The following PPIB variants were observed in gnomAD, a reference collection of about 807,000 sequenced individuals.
PPIB encodes the protein peptidylprolyl isomerase B.
In PPIB, 15 loss-of-function variants were observed where a neutral mutation model predicts 20.1. That is an observed-to-expected ratio of 0.75 (90% CI 0.50 to 1.15). The LOEUF (loss-of-function observed/expected upper bound fraction) is 1.15. PPIB is among the 50% of genes most tolerant of loss of function. The pLI is 0.00. For missense variants in PPIB, 278 were observed against 283.0 expected, an observed-to-expected ratio of 0.98 and a Z score of 0.13; for synonymous variants, 129 against 111.0, an observed-to-expected ratio of 1.16 and a Z score of -1.02.
In PPIB at chr15:64,156,682, C is replaced by T. The variant is rs746413456; in HGVS notation, c.528+43G>A. 52 of 1,610,148 alleles carry T rather than the reference C, an allele frequency of 3.2e-5. No homozygotes were observed. Among genetic ancestry groups the T allele is most frequent in the South Asian group, 1.8e-4 (16 of 90,974 alleles). ...TGCCCTGGGGTCTGTGTTGAATCCC[C>T]GGTGAGGATTGCCCAGTAGTAGCCC... On this transcript the variant is annotated intron_variant, in intron 4 of 4. Transcript: ENST00000300026. The surrounding 1 kb of genome is among the most constrained non-coding windows in gnomAD (Gnocchi z 6.4).
rs1239827519 is a variant in PPIB at position 64,156,255 on chromosome 15, C to T, written c.529-110G>A. On this transcript the variant is annotated intron_variant, in intron 4 of 4. Transcript: ENST00000300026. This position sits in a 1 kb window ranked among gnomAD's most constrained non-coding sequence, Gnocchi z 6.4. ...AGGGCTAAGACCCACAAGTGATCAACAGCACACAAAACTGGAGGCACCAAA... is the reference window on the plus strand; with the variant it reads ...AGGGCTAAGACCCACAAGTGATCAATAGCACACAAAACTGGAGGCACCAAA... 1.4e-6 allele frequency: 2 copies of T among 1,432,740 alleles called. No homozygotes were observed. The highest frequency in any genetic ancestry group is 9.6e-7 in the Non-Finnish European group (1 of 1,037,186). 88.8% of individuals were successfully genotyped at this position (1,432,740 alleles called of 1,614,324 possible).
In PPIB at chr15:64,160,021, G is replaced by A. The variant is rs764763845; in HGVS notation, c.343+83C>T. On this transcript the variant is annotated intron_variant, in intron 3 of 4. Transcript: ENST00000300026. This position sits in a 1 kb window ranked among gnomAD's most constrained non-coding sequence, Gnocchi z 4.8. ...GCCTCTAGAGCTGGGGAAGAAAGAG[G>A]CCTGGTCTCCCCAGCAGAACCTGGC... The A allele has an allele frequency of 8.3e-7, 1 of 1,203,266 alleles. No individual in the cohort carries two copies. Among genetic ancestry groups the A allele is most frequent in the South Asian group, 1.2e-5 (1 of 82,526 alleles). The allele number at this position is 1,203,266 out of a possible 1,614,324, so 74.5% of individuals were successfully genotyped here.
At position 64,161,898 on chromosome 15, in the gene PPIB, T is replaced by A. The variant is rs569197315; in HGVS notation, c.249+143A>T. 3.4e-5 allele frequency: 26 copies of A among 763,092 alleles called. No individual in the cohort carries two copies. Among genetic ancestry groups the A allele is most frequent in the South Asian group, 3.4e-4 (25 of 73,380 alleles). The allele number at this position is 763,092 out of a possible 1,614,324, so 47.3% of individuals were successfully genotyped here. On this transcript the variant is annotated intron_variant, in intron 2 of 4. Coordinates refer to ENST00000300026, the MANE Select transcript of PPIB (RefSeq NM_000942.5). This position sits in a 1 kb window ranked among gnomAD's most constrained non-coding sequence, Gnocchi z 4.2. ...CCCCATTACTCTTAAGAAAGGGCAA[T>A]ACTGTGTTCCCAGGGCAACAGGCAG...
rs960853893 is a variant in PPIB, at chr15:64,159,760, G to A, written c.343+344C>T. 3 of 392,944 alleles carry A rather than the reference G, an allele frequency of 7.6e-6. No individual in the cohort carries two copies. The highest frequency in any genetic ancestry group is 5.9e-5 in the East Asian group (1 of 16,874). The allele number at this position is 392,944 out of a possible 1,614,324, so 24.3% of individuals were successfully genotyped here. A position where few individuals can be genotyped will look rare whatever the true frequency, so the allele number is the denominator to read the frequency against. ...GGCTTTGGGCATCTGACCTAGAATC[G>A]CGTACCCACATGTCTTCACTTTGCT... On this transcript the variant is annotated intron_variant, in intron 3 of 4. Coordinates refer to ENST00000300026, the MANE Select transcript of PPIB (RefSeq NM_000942.5). This position sits in a 1 kb window ranked among gnomAD's most constrained non-coding sequence, Gnocchi z 5.1.
chr15:64,162,814 G>A (rs368514865), intron 1 of PPIB, 38 bp downstream of exon 1: 27 of 1,600,702 alleles, frequency 1.7e-5, no homozygotes, highest in African/African-American at 1.5e-4. Flanking sequence ...GCCCGGGCCC[G>A]AGCTCCGGCA....
At position 64,158,404 on chromosome 15, in the gene PPIB, A is replaced by G. The variant is rs1399280008; in HGVS notation, c.344-1495T>C. Among the ~76,000 whole-genome samples, 1 of 152,226 alleles carries G rather than the reference A, an allele frequency of 6.6e-6. No homozygotes were observed. The highest frequency in any genetic ancestry group is 1.5e-5 in the Non-Finnish European group (1 of 68,036). On this transcript the variant is annotated intron_variant, in intron 3 of 4. Coordinates refer to ENST00000300026, the MANE Select transcript of PPIB (RefSeq NM_000942.5). The surrounding 1 kb of genome is among the most constrained non-coding windows in gnomAD (Gnocchi z 4.7). ...CAGAGAATAAAAGGAGCCCCAGCAG[A>G]GCAACAGCGGGGCTAGAGTTCAGAC...
rs1342928428 is a variant in PPIB, at chr15:64,158,827, C to T, written c.343+1277G>A. ...CTTTCCTCACATCCGCAAGGTCATT[C>T]CCCCGTTCCCTGGCCTGAGGGGATC... On this transcript the variant is annotated intron_variant, in intron 3 of 4. Coordinates refer to ENST00000300026, the MANE Select transcript of PPIB (RefSeq NM_000942.5). The surrounding 1 kb of genome is among the most constrained non-coding windows in gnomAD (Gnocchi z 4.7). Among the ~76,000 whole-genome samples, 1 of 152,220 alleles carries T rather than the reference C, an allele frequency of 6.6e-6. No homozygotes were observed. Among genetic ancestry groups the T allele is most frequent in the Non-Finnish European group, 1.5e-5 (1 of 68,032 alleles).
In PPIB at chr15:64,156,541, C is replaced by T. The variant is rs2081533042; in HGVS notation, c.528+184G>A. The T allele has an allele frequency of 1.3e-6, 1 of 791,138 alleles. No homozygotes were observed. Among genetic ancestry groups the T allele is most frequent in the Admixed American group, 2.0e-5 (1 of 49,370 alleles). 49.0% of individuals were successfully genotyped at this position (791,138 alleles called of 1,614,324 possible). On this transcript the variant is annotated intron_variant, in intron 4 of 4. Transcript: ENST00000300026. This position sits in a 1 kb window ranked among gnomAD's most constrained non-coding sequence, Gnocchi z 6.4. Reference sequence around the variant, plus strand: ...CCTTCCTGGCTGGGCTCTGAGGGGGCTGGAAGAATTTAGAACCTTGGAGGC... The same window carrying T: ...CCTTCCTGGCTGGGCTCTGAGGGGGTTGGAAGAATTTAGAACCTTGGAGGC...
Position 64,156,826 on chromosome 15 carries a change from C to T in PPIB, c.427G>A (p.Ala143Thr), listed in dbSNP as rs762799337. Residue 143 changes from alanine (A) to threonine (T), a missense_variant, in exon 4 of 5, where the codon GCA (alanine) becomes ACA (threonine). Transcript: ENST00000300026. This position sits in a 1 kb window ranked among gnomAD's most constrained non-coding sequence, Gnocchi z 6.4. ...TGGGAGCCGTTGGTGTCTTTGCCTG[C>T]GTTGGCCATGCTCACCCAGCCAGGC... The part of the protein sequence containing the change: ...YGPGWVSMAN[A>T]GKDTNGSQFF... 1.9e-6 allele frequency: 3 copies of T among 1,614,076 alleles called. No individual in the cohort carries two copies. The highest frequency in any genetic ancestry group is 1.1e-5 in the South Asian group (1 of 91,088).
In PPIB at chr15:64,158,986, A is replaced by G. The variant is rs1222920321; in HGVS notation, c.343+1118T>C. 5.9e-5 allele frequency among the ~76,000 whole-genome samples: 9 copies of G among 152,194 alleles called. No homozygotes were observed. The highest frequency in any genetic ancestry group is 1.5e-5 in the Non-Finnish European group (1 of 68,040). ...CCACCCTCACTGTACAGAACAGGAA[A>G]CTGAAGCTCCAAGGACTCACTTGCC... On this transcript the variant is annotated intron_variant, in intron 3 of 4. Coordinates refer to ENST00000300026, the MANE Select transcript of PPIB (RefSeq NM_000942.5). This position sits in a 1 kb window ranked among gnomAD's most constrained non-coding sequence, Gnocchi z 4.7.
rs2081564089 is a variant in PPIB at position 64,161,640 on chromosome 15, A to G, written c.249+401T>C. Among the ~76,000 whole-genome samples the G allele has an allele frequency of 6.6e-6, 1 of 151,578 alleles. No individual in the cohort carries two copies. Among genetic ancestry groups the G allele is most frequent in the African/African-American group, 2.4e-5 (1 of 41,212 alleles). ...CTCAGGAGGCTGAGGCAGGAGAATC[A>G]CTTAAACCCGGGAGGCGGAGGTTGC... On this transcript the variant is annotated intron_variant, in intron 2 of 4. Transcript: ENST00000300026. The surrounding 1 kb of genome is among the most constrained non-coding windows in gnomAD (Gnocchi z 4.2).
rs1440444326 is a variant in PPIB at position 64,159,100 on chromosome 15, A to C, written c.343+1004T>G. 6.6e-6 allele frequency among the ~76,000 whole-genome samples: 1 copy of C among 152,188 alleles called. No homozygotes were observed. The highest frequency in any genetic ancestry group is 2.4e-5 in the African/African-American group (1 of 41,446). ...ATACAGTTCTTTGGTCTCCTTTGTG[A>C]GCCTGAGTCCTAAACGCTGCATCAT... On this transcript the variant is annotated intron_variant, in intron 3 of 4. Transcript: ENST00000300026. The surrounding 1 kb of genome is among the most constrained non-coding windows in gnomAD (Gnocchi z 5.1).
Position 64,162,872 on chromosome 15 carries a change from C to CCTT in PPIB, c.112_114dup (p.Lys38dup). 6.2e-7 allele frequency: 1 copy of CCTT among 1,611,888 alleles called. No individual in the cohort carries two copies. ...CGGACCTTGACGGTGACTTTGGGCC[C>CCTT]CTTCTTCTTCTCATCGGCCGCAGAA... On this transcript the variant is annotated inframe_insertion, in exon 1 of 5. Transcript: ENST00000300026.
rs150590633 is a variant in PPIB, at chr15:64,162,022, C to G, written c.249+19G>C. ...ATTTCACTTCATGTGAGTTGACTAC[C>G]CCTGCTCCAGCCACTTACCTCTCCT... On this transcript the variant is annotated intron_variant, in intron 2 of 4. Transcript: ENST00000300026. The G allele has an allele frequency of 1.3e-6, 2 of 1,564,318 alleles. No homozygotes were observed. The highest frequency in any genetic ancestry group is 1.8e-6 in the Non-Finnish European group (2 of 1,134,558).
rs73462555 is a variant in PPIB, at chr15:64,157,281, G to A, written c.344-372C>T. On this transcript the variant is annotated intron_variant, in intron 3 of 4. Transcript: ENST00000300026. The surrounding 1 kb of genome is among the most constrained non-coding windows in gnomAD (Gnocchi z 4.2). ...AGGATGCAGGGGAGTCAACAGGGTC[G>A]GAACTCTCCAGAAAAGGAGGACTGC... 2.3e-4 allele frequency: 63 copies of A among 270,890 alleles called. No homozygotes were observed. Among genetic ancestry groups the A allele is most frequent in the African/African-American group, 1.3e-3 (58 of 46,056 alleles). 16.8% of individuals were successfully genotyped at this position (270,890 alleles called of 1,614,324 possible).
rs577524527 is a variant in PPIB at position 64,156,456 on chromosome 15, G to A, written c.528+269C>T. The A allele has an allele frequency of 1.6e-6, 1 of 617,714 alleles. No individual in the cohort carries two copies. Among genetic ancestry groups the A allele is most frequent in the Non-Finnish European group, 2.9e-6 (1 of 348,294 alleles). 38.3% of individuals were successfully genotyped at this position (617,714 alleles called of 1,614,324 possible). A position where few individuals can be genotyped will look rare whatever the true frequency, so the allele number is the denominator to read the frequency against. On this transcript the variant is annotated intron_variant, in intron 4 of 4. Transcript: ENST00000300026. The surrounding 1 kb of genome is among the most constrained non-coding windows in gnomAD (Gnocchi z 6.4). ...GTTCAGCTGCACTCTGTATACCTCA[G>A]GGGTGGGACCAGCACGTCACTGAGT...
intron 1 of PPIB, among the ~76,000 whole-genome samples, 156 bp from the exon 2 acceptor site, chr15:64,162,310 T>C (rs1464885258): frequency 6.6e-6 from 1 of 152,190 alleles, no homozygotes; most frequent in African/African-American, 2.4e-5. Context: ...AAAAATCCTA[T>C]GAGAATCTAA....
chr15:64,159,972 A>G lies in PPIB; in HGVS notation c.343+132T>C. On this transcript the variant is annotated intron_variant, in intron 3 of 4. Transcript: ENST00000300026. The surrounding 1 kb of genome is among the most constrained non-coding windows in gnomAD (Gnocchi z 5.1). ...CAAAGAAGGGTGCCGCTGGTCTCAAAGTAGGTAAGTAATAAGTAGGCCTGC... is the reference window on the plus strand; with the variant it reads ...CAAAGAAGGGTGCCGCTGGTCTCAAGGTAGGTAAGTAATAAGTAGGCCTGC... 1 of 795,596 alleles carries G rather than the reference A, an allele frequency of 1.3e-6. No individual in the cohort carries two copies. Among genetic ancestry groups the G allele is most frequent in the Non-Finnish European group, 2.2e-6 (1 of 455,592 alleles). 49.3% of individuals were successfully genotyped at this position (795,596 alleles called of 1,614,324 possible).
In PPIB at chr15:64,156,139, C is replaced by T. The variant is rs2081529358; in HGVS notation, c.535G>A (p.Val179Met). The T allele has an allele frequency of 1.2e-6, 2 of 1,614,142 alleles. No homozygotes were observed. The highest frequency in any genetic ancestry group is 1.7e-6 in the Non-Finnish European group (2 of 1,180,038). The stretch of plus-strand genomic sequence containing the variant: ...GTCTTGGTGCTCTCCACCTTCCGCA[C>T]CACCTCCTGGAAAAGAAAGGTGGAA... The part of the protein sequence containing the change: ...FGKVLEGMEV[V>M]RKVESTKTDS... Residue 179 changes from valine to methionine, a missense_variant, in exon 5 of 5, where the codon GTG becomes ATG. By Grantham distance (21) the Val-to-Met change is conservative. Transcript: ENST00000300026. This position sits in a 1 kb window ranked among gnomAD's most constrained non-coding sequence, Gnocchi z 6.4.
Sources: gnomAD v4.1 joint callset for allele counts (sites outside exome capture counted in the v4.1 genomes callset) on GRCh38, gnomAD v4.1.1 for gene constraint, Gnocchi (gnomAD v3.1) non-coding constraint, MANE v1.5 for transcripts, NCBI Gene and HGNC (gene_info 2026-07-23, HGNC 2026-07-21) for gene names.